The following B3GALNT2 variants were observed in gnomAD, a reference collection of about 807,000 sequenced individuals.
B3GALNT2 encodes beta-1,3-N-acetylgalactosaminyltransferase 2.
Under a neutral mutation model 61.1 loss-of-function variants are expected in B3GALNT2, and 53 were observed. The observed-to-expected ratio is 0.87, with a 90% confidence interval of 0.70 to 1.09. B3GALNT2 has a LOEUF of 1.09. Ranked by LOEUF, B3GALNT2 falls within the 50% of genes least tolerant of loss-of-function variation. The probability of loss-of-function intolerance (pLI) is 0.00; values close to 1 mark genes in which losing one functional copy is unlikely to be tolerated. For synonymous variants in B3GALNT2, 223 were observed against 237.4 expected, an observed-to-expected ratio of 0.94 and a Z score of 0.56; for missense variants, 544 against 623.0, an observed-to-expected ratio of 0.87 and a Z score of 1.35.
intron 3 of B3GALNT2, 45 bp downstream of exon 3, chr1:235,489,123 C>T (rs1322904932): frequency 1.3e-6 from 2 of 1,599,436 alleles, no homozygotes. Context: ...AACTTTTACT[C>T]AACATCAAGC....
chr1:235,470,780 T>A, intron 6 of B3GALNT2, 70 bp downstream of exon 6: 1 of 1,560,840 alleles, frequency 6.4e-7, no homozygotes, highest in South Asian at 1.2e-5. Context: ...CTAAGGTAAA[T>A]TTTAGAACAA....
chr1:235,449,023 G>GATAAGATTTAAATATTA lies in B3GALNT2; in HGVS notation c.*1166_*1182dup, dbSNP rs1682708145. 2.6e-6 allele frequency: 1 copy of GATAAGATTTAAATATTA among 378,606 alleles called. No individual in the cohort carries two copies. The highest frequency in any genetic ancestry group is 3.9e-5 in the Admixed American group (1 of 25,618). The allele number at this position is 378,606 out of a possible 1,614,324, so 23.5% of individuals were successfully genotyped here. A position where few individuals can be genotyped will look rare whatever the true frequency, so the allele number is the denominator to read the frequency against. ...TTTACAGCTCATCACTGCATTTCAT[G>GATAAGATTTAAATATTA]ATAAGATTTAAATATTAAATAGAAA... is the stretch of plus-strand genomic sequence containing the variant. On this transcript the variant is annotated 3_prime_UTR_variant, in exon 12 of 12. Transcript: ENST00000366600.
intron 1 of B3GALNT2, among the ~76,000 whole-genome samples, chr1:235,496,807 T>C (rs1031178082): frequency 6.6e-6 from 1 of 152,068 alleles, no homozygotes; most frequent in Non-Finnish European, 1.5e-5. Context: ...CCTCCCAAAG[T>C]GCTGGGATTA....
chr1:235,469,300 G>A (rs1466984439), intron 6 of B3GALNT2, among the ~76,000 whole-genome samples: 10 of 152,200 alleles, frequency 6.6e-5, no homozygotes, highest in Non-Finnish European at 5.9e-5. Flanking sequence ...TAAATGCCAA[G>A]TACATTCCTA....
Position 235,453,111 on chromosome 1 carries a change from G to A in B3GALNT2, c.1347C>T (p.Ala449=), listed in dbSNP as rs763941699. The A allele has an allele frequency of 1.2e-6, 2 of 1,613,044 alleles. No homozygotes were observed. The highest frequency in any genetic ancestry group is 2.7e-5 in the African/African-American group (2 of 74,864). Residue 449 remains alanine (A), a synonymous_variant, in exon 11 of 12, where the codon GCC becomes GCT. Coordinates refer to ENST00000366600, the MANE Select transcript of B3GALNT2 (RefSeq NM_152490.5). The part of the protein sequence containing the change: ...EDVSMGIWMA[A]IGPKRYQDSL... Reference sequence around the variant, plus strand: ...TTACCTGGTATCTTTTAGGTCCTATGGCAGCCATCCAGATGCCCATGCTTA... The same window carrying A: ...TTACCTGGTATCTTTTAGGTCCTATAGCAGCCATCCAGATGCCCATGCTTA...
intron 5 of B3GALNT2, among the ~76,000 whole-genome samples, chr1:235,473,671 T>C (rs943910493): frequency 9.2e-5 from 14 of 152,224 alleles, no homozygotes; most frequent in Middle Eastern, 3.4e-3. Flanking sequence ...CAGGCAGTAA[T>C]GAATGAAATT....
Position 235,455,643 on chromosome 1 carries a change from T to C in B3GALNT2, c.1067A>G (p.Asp356Gly), listed in dbSNP as rs1471563924. The part of the protein sequence containing the change: ...TTSFNLLLKT[D>G]DDCYIDLEAV... ...TTCGAGGTCTATGTAACAGTCATCA[T>C]CTGTCTTCAGCAACAAATTGAAGCT... The change falls in exon 9 of 12, where the codon GAT becomes GGT. Residue 356 changes from aspartate (D) to glycine (G), a missense_variant. Physicochemically the swap from Asp to Gly is moderately conservative, Grantham distance 94. Coordinates refer to ENST00000366600, the MANE Select transcript of B3GALNT2 (RefSeq NM_152490.5). The C allele has an allele frequency of 3.1e-6, 5 of 1,605,910 alleles. No homozygotes were observed. Among genetic ancestry groups the C allele is most frequent in the Non-Finnish European group, 4.3e-6 (5 of 1,172,476 alleles).
In B3GALNT2 at chr1:235,484,441, T is replaced by A; in HGVS notation, c.436A>T (p.Ser146Cys). 1 of 1,614,202 alleles carries A rather than the reference T, an allele frequency of 6.2e-7. No homozygotes were observed. Among genetic ancestry groups the A allele is most frequent in the South Asian group, 1.1e-5 (1 of 91,088 alleles). The change falls in exon 4 of 12, where the codon AGC (serine) becomes TGC (cysteine). Residue 146 changes from serine (S) to cysteine (C), a missense_variant. Coordinates refer to ENST00000366600, the MANE Select transcript of B3GALNT2 (RefSeq NM_152490.5). Reference sequence around the variant, plus strand: ...GGGTAGAGAACTCGGAAACTCACGCTGACAACTCGATCCTCAGGCAGCCCC... The same window carrying A: ...GGGTAGAGAACTCGGAAACTCACGCAGACAACTCGATCCTCAGGCAGCCCC... ...SSGLPEDRVV[S>C]VSFRVLYPIV...
At chr1:235,474,680 G>A (rs940277048) in intron 5 of B3GALNT2, among the ~76,000 whole-genome samples, 8 of 151,720 alleles carry the variant, frequency 5.3e-5, no homozygotes, top group African/African-American at 7.3e-5. Flanking sequence ...AATTAGCCAG[G>A]TGTGGTGGCA....
chr1:235,465,968 T>C (rs1209987504), intron 6 of B3GALNT2, among the ~76,000 whole-genome samples: 1 of 152,116 alleles, frequency 6.6e-6, no homozygotes, highest in Non-Finnish European at 1.5e-5. Flanking sequence ...TTACATAGAA[T>C]CATGTTTATG....
At chr1:235,467,968 C>G (rs774956960) in intron 6 of B3GALNT2, among the ~76,000 whole-genome samples, 1 of 151,858 alleles carries the variant, frequency 6.6e-6, no homozygotes, top group Non-Finnish European at 1.5e-5. Flanking sequence ...TTAGTAGAGA[C>G]GGGGTTTCAC....
At position 235,448,708 on chromosome 1, in the gene B3GALNT2, G is replaced by GTCA. The variant is rs769559799; in HGVS notation, c.*1495_*1497dup. 1.2e-6 allele frequency: 2 copies of GTCA among 1,614,098 alleles called. No homozygotes were observed. Among genetic ancestry groups the GTCA allele is most frequent in the Non-Finnish European group, 1.7e-6 (2 of 1,180,006 alleles). On this transcript the variant is annotated 3_prime_UTR_variant, in exon 12 of 12. Coordinates refer to ENST00000366600, the MANE Select transcript of B3GALNT2 (RefSeq NM_152490.5). ...AAATCGAGCTGGAAAATGACCTAAA[G>GTCA]TCATTACAGTTTTATTCTGTGGAAA...
Sources: gnomAD v4.1 joint callset for allele counts (sites outside exome capture counted in the v4.1 genomes callset) on GRCh38, gnomAD v4.1.1 for gene constraint, MANE v1.5 for transcripts, NCBI Gene and HGNC (gene_info 2026-07-23, HGNC 2026-07-21) for gene names.